Variants in EFR3A observed in about 807,000 individuals in gnomAD.
The protein encoded by EFR3A is EFR3 homolog A, also known as protein EFR3 homolog A.
A neutral mutation model predicts 104.4 loss-of-function variants in EFR3A; 76 were observed. The observed-to-expected ratio is 0.73, with a 90% CI of 0.60 to 0.88. The LOEUF (loss-of-function observed/expected upper bound fraction) is 0.88. Among genes scored for constraint, EFR3A ranks in the 40% least tolerant of loss-of-function variants. The probability of loss-of-function intolerance (pLI) is 0.00; values close to 1 mark genes in which losing one functional copy is unlikely to be tolerated. For missense variants in EFR3A, 985 were observed against 1,012.5 expected, an observed-to-expected ratio of 0.97 and a Z score of 0.37; for synonymous variants, 330 against 330.0, an observed-to-expected ratio of 1.00 and a Z score of 0.00.
intron 18 of EFR3A, among the ~76,000 whole-genome samples, chr8:131,992,700 C>G (rs1000148439): frequency 6.6e-6 from 1 of 151,984 alleles, no homozygotes; most frequent in South Asian, 2.1e-4. Context: ...AAGAGGATGA[C>G]GAAGGGCAGG....
intron 10 of EFR3A, 45 bp downstream of exon 10, chr8:131,970,688 T>G (rs772660884): frequency 1.3e-6 from 2 of 1,556,588 alleles, no homozygotes; most frequent in South Asian, 2.3e-5. Flanking sequence ...AAACAGTGAT[T>G]TACAAAGCTC....
At chr8:131,966,756 C>T (rs1041835354) in intron 8 of EFR3A, among the ~76,000 whole-genome samples, 5 of 152,146 alleles carry the variant, frequency 3.3e-5, no homozygotes, top group Admixed American at 2.0e-4. Context: ...TATTATGTTG[C>T]GTCTTAAAGC....
intron 12 of EFR3A, 29 bp downstream of exon 12, chr8:131,977,121 C>T (rs371125811): frequency 9.2e-6 from 14 of 1,520,526 alleles, no homozygotes; most frequent in African/African-American, 8.3e-5. Flanking sequence ...ATAAAGGACA[C>T]ACTTAACCTT....
At chr8:131,929,797 C>T (rs1333443413) in intron 1 of EFR3A, among the ~76,000 whole-genome samples, 1 of 152,114 alleles carries the variant, frequency 6.6e-6, no homozygotes, top group South Asian at 2.1e-4. Flanking sequence ...CTGTGTCCCT[C>T]TCTGAGTTGA....
intron 7 of EFR3A, among the ~76,000 whole-genome samples, chr8:131,958,850 G>A (rs774171893): frequency 2.6e-5 from 4 of 152,010 alleles, no homozygotes; most frequent in Non-Finnish European, 5.9e-5. Flanking sequence ...TGCTGGCTGC[G>A]CCCTGTGACT....
chr8:131,935,518 G>C (rs923815144), intron 1 of EFR3A: 1 of 448,238 alleles, frequency 2.2e-6, no homozygotes, highest in African/African-American at 2.0e-5. Context: ...ATGAAATCTA[G>C]TGAGCCATAC....
Position 131,953,983 on chromosome 8 carries a change from T to A in EFR3A, c.638+16T>A. The A allele has an allele frequency of 6.6e-7, 1 of 1,521,440 alleles. No individual in the cohort carries two copies. The highest frequency in any genetic ancestry group is 8.8e-7 in the Non-Finnish European group (1 of 1,130,716). The allele number at this position is 1,521,440 out of a possible 1,614,324, so 94.2% of individuals were successfully genotyped here. The stretch of plus-strand genomic sequence containing the variant: ...AAGTTGACAGGTATTTAAAAAAATA[T>A]TAGTGTTGAGACAGTGTTACTTTTA... On this transcript the variant is annotated intron_variant, in intron 6 of 22. Coordinates refer to ENST00000254624, the MANE Select transcript of EFR3A (RefSeq NM_015137.6).
At chr8:131,950,773 A>G (rs549905548) in intron 5 of EFR3A, among the ~76,000 whole-genome samples, 5 of 152,266 alleles carry the variant, frequency 3.3e-5, no homozygotes, top group South Asian at 2.1e-4. Flanking sequence ...ATGAATGTAT[A>G]TTACTGAATC....
intron 18 of EFR3A, among the ~76,000 whole-genome samples, chr8:131,989,277 T>C (rs540970251): frequency 6.6e-6 from 1 of 152,294 alleles, no homozygotes; most frequent in South Asian, 2.1e-4. Context: ...CCATCAGATA[T>C]TCATTTAAAA....
At chr8:131,986,898 A>T (rs1654539914) in intron 17 of EFR3A, among the ~76,000 whole-genome samples, 1 of 152,100 alleles carries the variant, frequency 6.6e-6, no homozygotes, top group Admixed American at 6.6e-5. Flanking sequence ...AAATGATCAA[A>T]CCTTTAAGAG....
intron 5 of EFR3A, 108 bp downstream of exon 5, chr8:131,950,198 C>T (rs946351679): frequency 1.0e-5 from 12 of 1,176,322 alleles, no homozygotes; most frequent in Non-Finnish European, 1.1e-5. Context: ...GCCTGAAATA[C>T]GGCTTTCCAT....
intron 8 of EFR3A, among the ~76,000 whole-genome samples, chr8:131,964,749 G>T (rs111263162): frequency 6.6e-6 from 1 of 152,008 alleles, no homozygotes; most frequent in African/African-American, 2.4e-5. Flanking sequence ...AAAAGAGCCC[G>T]CATTGCCAAG....
chr8:131,944,953 C>T, intron 3 of EFR3A, 81 bp downstream of exon 3: 1 of 1,464,526 alleles, frequency 6.8e-7, no homozygotes, highest in Non-Finnish European at 9.2e-7. Flanking sequence ...GATTATTTTG[C>T]CATTTAGTGA....
rs554280947 is a variant in EFR3A at position 131,924,342 on chromosome 8, G to A, written c.11-16157G>A. On this transcript the variant is annotated intron_variant, in intron 1 of 22. Transcript: ENST00000254624. ...AAGTAATTTTTTTATCCTTTGACACGTGAAAAGACTAATCATATAATTACA... is the reference window on the plus strand; with the variant it reads ...AAGTAATTTTTTTATCCTTTGACACATGAAAAGACTAATCATATAATTACA... Among the ~76,000 whole-genome samples the A allele has an allele frequency of 2.6e-5, 4 of 151,884 alleles. No homozygotes were observed. In the South Asian group the frequency reaches 6.2e-4, roughly 24 times the overall value.
intron 16 of EFR3A, among the ~76,000 whole-genome samples, chr8:131,985,496 A>G (rs1458958268): frequency 6.6e-6 from 1 of 152,224 alleles, no homozygotes; most frequent in Non-Finnish European, 1.5e-5. Context: ...AGTTGTCTTT[A>G]GCAGTAACTC....
At chr8:131,914,290 A>G (rs1475948978) in intron 1 of EFR3A, among the ~76,000 whole-genome samples, 1 of 152,200 alleles carries the variant, frequency 6.6e-6, no homozygotes, top group East Asian at 1.9e-4. Context: ...AGCAGACTTA[A>G]GTGACTTGTC....
rs556244755 is a variant in EFR3A, at chr8:132,012,778, A to G, written c.*1883A>G. The G allele has an allele frequency of 3.3e-5, 5 of 152,452 alleles. No homozygotes were observed. The highest frequency in any genetic ancestry group is 1.2e-4 in the African/African-American group (5 of 41,548). The allele number at this position is 152,452 out of a possible 1,614,324, so 9.4% of individuals were successfully genotyped here. A position where few individuals can be genotyped will look rare whatever the true frequency, so the allele number is the denominator to read the frequency against. On this transcript the variant is annotated 3_prime_UTR_variant, in exon 23 of 23. Transcript: ENST00000254624. ...AATTTAATAGTATAAAAAATAAAATATATATTCATTTGCACTTACGTGAAA... is the reference window on the plus strand; with the variant it reads ...AATTTAATAGTATAAAAAATAAAATGTATATTCATTTGCACTTACGTGAAA...
rs774959333 is a variant in EFR3A, at chr8:131,968,400, G to T, written c.961G>T (p.Ala321Ser). ...RAGIIQVLLE[A>S]VAIAAKGSIG... ...AGGTATTATTCAGGTTCTGTTAGAG[G>T]CTGTTGCCATTGCTGCTAAAGGTTC... The change falls in exon 9 of 23, where the codon GCT becomes TCT. Residue 321 changes from alanine to serine, a missense_variant. Physicochemically the swap from Ala to Ser is moderately conservative, Grantham distance 99. Coordinates refer to ENST00000254624, the MANE Select transcript of EFR3A (RefSeq NM_015137.6). 32 of 1,613,398 alleles carry T rather than the reference G, an allele frequency of 2.0e-5. No homozygotes were observed. Among genetic ancestry groups the T allele is most frequent in the Non-Finnish European group, 2.5e-5 (30 of 1,179,604 alleles).
At chr8:131,910,675 G>T (rs543805349) in intron 1 of EFR3A, among the ~76,000 whole-genome samples, 1 of 152,282 alleles carries the variant, frequency 6.6e-6, no homozygotes, top group African/African-American at 2.4e-5. Flanking sequence ...TCTGTGTTTC[G>T]CAGGGCAGAG....
Sources: allele counts gnomAD v4.1 joint callset (sites outside exome capture counted in the v4.1 genomes callset), GRCh38; gene constraint gnomAD v4.1.1; transcripts MANE v1.5; gene names NCBI Gene and HGNC (gene_info 2026-07-23, HGNC 2026-07-21).